Variants in AOPEP observed in about 807,000 individuals in gnomAD.
AOPEP encodes aminopeptidase O (putative).
AOPEP carries 77 observed loss-of-function variants against 98.1 expected under a neutral mutation model. That is an observed-to-expected ratio of 0.78 (90% CI 0.65 to 0.95). The LOEUF is 0.95. Ranked by LOEUF, AOPEP falls within the 40% of genes least tolerant of loss-of-function variation. AOPEP has a pLI of 0.00. For synonymous variants in AOPEP, 346 were observed against 365.3 expected, an observed-to-expected ratio of 0.95 and a Z score of 0.60; for missense variants, 1,024 against 1,024.7, an observed-to-expected ratio of 1.00 and a Z score of 0.01.
intron 10 of AOPEP, 92 bp downstream of exon 10, chr9:94,967,893 G>A (rs929948317): frequency 1.5e-5 from 16 of 1,077,392 alleles, no homozygotes; most frequent in East Asian, 9.5e-5. Flanking sequence ...AGCCTAGAAA[G>A]CTCAGTCTTT....
rs750429635 is a variant in AOPEP, at chr9:95,060,808, G to C, written c.2230G>C (p.Glu744Gln). 1.9e-6 allele frequency: 3 copies of C among 1,594,744 alleles called. No individual in the cohort carries two copies. The highest frequency in any genetic ancestry group is 1.7e-5 in the Admixed American group (1 of 59,980). The stretch of plus-strand genomic sequence containing the variant: ...ATACCACCTCCAGGATCAGGATGCA[G>C]AGGTAACCAGGAACACTCTCGGAGT... The part of the protein sequence containing the change: ...RTYHLQDQDA[E>Q]VRHRWCELIV... Residue 744 changes from glutamate to glutamine, a missense_variant and splice_region_variant, in exon 14 of 17, where the codon GAG becomes CAG. This residue lies in a region of AOPEP where 566 missense variants were observed against 551.7 expected (regional missense o/e 1.03). Transcript: ENST00000375315.
chr9:94,837,728 C>G (rs2041787740), intron 5 of AOPEP, among the ~76,000 whole-genome samples: 1 of 152,170 alleles, frequency 6.6e-6, no homozygotes, highest in South Asian at 2.1e-4. Context: ...GATTAAAACT[C>G]TCAACAAAAT....
At chr9:94,819,946 C>CTTTTTTTTTTT (rs11423201) in intron 5 of AOPEP, among the ~76,000 whole-genome samples, 3 of 121,582 alleles carry the variant, frequency 2.5e-5, no homozygotes, top group Non-Finnish European at 4.9e-5. Flanking sequence ...TAGTGCAATT[C>CTTTTTTTTTTT]TTTTTTTTTT....
At chr9:94,839,726 A>G (rs763790995) in intron 5 of AOPEP, among the ~76,000 whole-genome samples, 14 of 152,118 alleles carry the variant, frequency 9.2e-5, no homozygotes, top group Non-Finnish European at 1.6e-4. Context: ...AGGACTTACA[A>G]TATGATGTGG....
intron 5 of AOPEP, among the ~76,000 whole-genome samples, chr9:94,803,753 C>T (rs1306820934): frequency 1.3e-5 from 2 of 152,202 alleles, no homozygotes; most frequent in Non-Finnish European, 2.9e-5. Context: ...GACCCCCTCC[C>T]CTACCCTGGT....
At chr9:95,078,075 C>T (rs2069283085) in intron 14 of AOPEP, among the ~76,000 whole-genome samples, 1 of 152,110 alleles carries the variant, frequency 6.6e-6, no homozygotes, top group Non-Finnish European at 1.5e-5. Flanking sequence ...GGAGACTGGG[C>T]TTGGTCTGTC....
At chr9:94,890,221 G>T (rs568242884) in intron 5 of AOPEP, among the ~76,000 whole-genome samples, 68 of 146,112 alleles carry the variant, frequency 4.7e-4, no homozygotes, top group Non-Finnish European at 9.5e-4. Flanking sequence ...GTTTTTTTTT[G>T]AAACGGAGCC....
chr9:95,120,090 CTCAGTG>C, the AOPEP span, among the ~76,000 whole-genome samples: 3,439 of 152,256 alleles, frequency 0.023, 141 homozygotes, highest in African/African-American at 0.079. Context: ...CTTAGATCAC[CTCAGTG>C]TCAAACAGAT....
At chr9:94,906,295 C>CA (rs1158178052) in intron 5 of AOPEP, among the ~76,000 whole-genome samples, 1,811 of 121,238 alleles carry the variant, frequency 0.015, 38 homozygotes, top group African/African-American at 0.048. Flanking sequence ...TCTGTCTCTA[C>CA]AAAAAAAAAA....
At chr9:94,872,653 C>T (rs1588645049) in intron 5 of AOPEP, among the ~76,000 whole-genome samples, 1 of 152,168 alleles carries the variant, frequency 6.6e-6, no homozygotes, top group Non-Finnish European at 1.5e-5. Context: ...ATAACTTACT[C>T]GGTGAGATGT....
intron 5 of AOPEP, among the ~76,000 whole-genome samples, chr9:94,831,429 A>G (rs1342731840): frequency 6.6e-6 from 1 of 152,020 alleles, no homozygotes; most frequent in East Asian, 1.9e-4. Context: ...GTTTTTGTAC[A>G]AGTACCATGC....
At chr9:94,771,844 G>A (rs990463929) in intron 2 of AOPEP, among the ~76,000 whole-genome samples, 4 of 152,050 alleles carry the variant, frequency 2.6e-5, no homozygotes. Flanking sequence ...GATTACTGCT[G>A]TGGCTAATCC....
chr9:94,841,494 T>C (rs2042268405), intron 5 of AOPEP, among the ~76,000 whole-genome samples: 1 of 152,120 alleles, frequency 6.6e-6, no homozygotes, highest in Non-Finnish European at 1.5e-5. Flanking sequence ...TTTTGATACA[T>C]TATGTTCCGT....
At chr9:94,746,686 A>C (rs1279443452) in intron 1 of AOPEP, among the ~76,000 whole-genome samples, 1 of 152,206 alleles carries the variant, frequency 6.6e-6, no homozygotes, top group African/African-American at 2.4e-5. Context: ...GAGCATAAAC[A>C]CATTAGGCAC....
At chr9:94,770,205 C>G (rs1266688989) in intron 2 of AOPEP, among the ~76,000 whole-genome samples, 1 of 152,200 alleles carries the variant, frequency 6.6e-6, no homozygotes, top group African/African-American at 2.4e-5. Flanking sequence ...TGCCCTCCAC[C>G]TTTCTCCCTG....
chr9:94,763,074 C>A, intron 2 of AOPEP: 1 of 435,732 alleles, frequency 2.3e-6, no homozygotes. Flanking sequence ...ATCAGTTATA[C>A]CCGCTCTAAG....
At chr9:94,769,511 G>A (rs921864677) in intron 2 of AOPEP, among the ~76,000 whole-genome samples, 1 of 152,162 alleles carries the variant, frequency 6.6e-6, no homozygotes, top group Admixed American at 6.5e-5. Context: ...TTATGTGATT[G>A]TTTTCCTGCT....
chr9:94,906,619 G>C (rs923462475), intron 5 of AOPEP, among the ~76,000 whole-genome samples: 2 of 152,170 alleles, frequency 1.3e-5, no homozygotes, highest in Middle Eastern at 3.4e-3. Flanking sequence ...AGTAAACTAC[G>C]ATTGTGCCAC....
In AOPEP at chr9:95,013,672, G is replaced by A. The variant is rs112000903; in HGVS notation, c.2115+8056G>A. ...GCTTGTTTTCTAGTAGAATTCTCAG[G>A]AAGAGCTTAGAACAGCTATAGTCCT... On this transcript the variant is annotated intron_variant, in intron 13 of 16. Transcript: ENST00000375315. Among the ~76,000 whole-genome samples, 87 of 152,208 alleles carry A rather than the reference G, an allele frequency of 5.7e-4. 2 individuals are homozygous for A. The highest frequency in any genetic ancestry group is 2.1e-3 in the African/African-American group (86 of 41,522).
Sources: gnomAD v4.1 joint callset for allele counts (sites outside exome capture counted in the v4.1 genomes callset) on GRCh38, gnomAD v4.1.1 for gene constraint, gnomAD v4.1.1 regional missense constraint, MANE v1.5 for transcripts, NCBI Gene and HGNC (gene_info 2026-07-23, HGNC 2026-07-21) for gene names.